The following MYO9B variants were observed in gnomAD, a reference collection of about 807,000 sequenced individuals.
MYO9B encodes the protein unconventional myosin-IXb.
A neutral mutation model predicts 229.5 loss-of-function variants in MYO9B; 71 were observed. The observed-to-expected ratio is 0.31, with a 90% CI of 0.26 to 0.38. The LOEUF (loss-of-function observed/expected upper bound fraction) is 0.38, where lower values mean the gene tolerates loss of function less well. Among genes scored for constraint, MYO9B ranks in the 10% least tolerant of loss-of-function variants. MYO9B has a pLI of 1.00. For missense variants in MYO9B, 2,255 were observed against 2,920.5 expected (o/e 0.77, Z 5.25); for synonymous variants, 1,185 against 1,235.8 (o/e 0.96, Z 0.86).
intron 1 of MYO9B, among the ~76,000 whole-genome samples, chr19:17,084,476 G>A (rs2057563149): frequency 6.6e-6 from 1 of 152,042 alleles, no homozygotes; most frequent in African/African-American, 2.4e-5. Flanking sequence ...GTCCCTCTCT[G>A]TGGTGGGACC....
chr19:17,194,593 GAGA>G lies in MYO9B; in HGVS notation c.3169_3171del (p.Lys1057del), dbSNP rs1249877106. ...GATCTCGGAGAAGCAGAAGGCAGAA[GAGA>G]AGGAGAGGGAAGCCCTGGAAGCCGC... On this transcript the variant is annotated inframe_deletion, in exon 22 of 40. Coordinates refer to ENST00000682292, the MANE Select transcript of MYO9B (RefSeq NM_004145.4). 1.2e-6 allele frequency: 2 copies of G among 1,612,894 alleles called. No individual in the cohort carries two copies. The highest frequency in any genetic ancestry group is 1.7e-6 in the Non-Finnish European group (2 of 1,179,880).
chr19:17,115,294 G>A (rs977237977), intron 2 of MYO9B, among the ~76,000 whole-genome samples: 24 of 151,880 alleles, frequency 1.6e-4, no homozygotes, highest in East Asian at 5.8e-4. Context: ...TGGCATCTTT[G>A]GCACCATGAG....
chr19:17,208,010 C>CAA (rs59894440), intron 35 of MYO9B: 86 of 136,432 alleles, frequency 6.3e-4, no homozygotes, highest in South Asian at 1.1e-3. Context: ...AACTCTATCT[C>CAA]AAAAAAAAAA....
chr19:17,189,502 A>G (rs1453723725), intron 19 of MYO9B, among the ~76,000 whole-genome samples: 1 of 151,798 alleles, frequency 6.6e-6, no homozygotes, highest in Non-Finnish European at 1.5e-5. Context: ...GCGTGCTGGC[A>G]TGCAATGTAC....
intron 3 of MYO9B, among the ~76,000 whole-genome samples, chr19:17,147,286 T>C (rs1319340318): frequency 6.6e-6 from 1 of 152,172 alleles, no homozygotes. Flanking sequence ...CTCACACCTA[T>C]AATCCCAGCA....
At chr19:17,100,853 AGG>A in intron 1 of MYO9B, among the ~76,000 whole-genome samples, 1 of 152,124 alleles carries the variant, frequency 6.6e-6, no homozygotes, top group South Asian at 2.1e-4. Flanking sequence ...TTGGGTTTCA[AGG>A]ACCCTGGAGT....
intron 10 of MYO9B, 161 bp from the exon 11 acceptor site, chr19:17,167,782 T>G: frequency 1.1e-6 from 1 of 920,838 alleles, no homozygotes. Context: ...CCCAGCCCTA[T>G]TAGAGTTAAT....
rs145325168 is a variant in MYO9B at position 17,185,018 on chromosome 19, G to A, written c.2496+31G>A. 6.1e-5 allele frequency: 99 copies of A among 1,613,276 alleles called. 1 individual carries two copies. The East Asian group carries it at 1.9e-3, about 30-fold the overall frequency. On this transcript the variant is annotated intron_variant, in intron 17 of 39. Coordinates refer to ENST00000682292, the MANE Select transcript of MYO9B (RefSeq NM_004145.4). The stretch of plus-strand genomic sequence containing the variant: ...TGGAGCAGGAGAGGCAGAAGGTGGC[G>A]GTCAGCTCAGCCTCAGGCTTGTGTA...
rs371248514 is a variant in MYO9B, at chr19:17,207,244, C to G, written c.5624C>G (p.Thr1875Arg). ...ATGAAGGACGTCCTCAAGATCACCACGTGAGTGCCCACCCTGCCCCGGAGG... is the reference window on the plus strand; with the variant it reads ...ATGAAGGACGTCCTCAAGATCACCAGGTGAGTGCCCACCCTGCCCCGGAGG... ...TSMKDVLKITTCVEMLIKEQM... is the reference protein window; with the variant it reads ...TSMKDVLKITRCVEMLIKEQM... The change falls in exon 35 of 40, where the codon ACG becomes AGG. Residue 1875 changes from threonine (T) to arginine (R), a missense_variant and splice_region_variant. Around this residue, in one of 7 missense-constraint regions of MYO9B, gnomAD observed 416 missense variants for 605.5 expected, o/e 0.69. Transcript: ENST00000682292. 3 of 1,593,684 alleles carry G rather than the reference C, an allele frequency of 1.9e-6. No individual in the cohort carries two copies. The highest frequency in any genetic ancestry group is 2.6e-6 in the Non-Finnish European group (3 of 1,171,424).
intron 8 of MYO9B, among the ~76,000 whole-genome samples, chr19:17,161,186 G>C (rs1039733951): frequency 1.3e-5 from 2 of 152,106 alleles, no homozygotes; most frequent in Non-Finnish European, 2.9e-5. Flanking sequence ...CCTCCTTGCT[G>C]GTTCTACCAC....
intron 35 of MYO9B, among the ~76,000 whole-genome samples, chr19:17,208,759 T>C (rs1316629207): frequency 1.3e-5 from 2 of 152,190 alleles, no homozygotes; most frequent in Admixed American, 6.5e-5. Context: ...CTCTCTCTGC[T>C]ACAAAGCGTC....
chr19:17,131,300 G>A (rs1024797116), intron 2 of MYO9B, among the ~76,000 whole-genome samples: 2 of 152,180 alleles, frequency 1.3e-5, no homozygotes, highest in Non-Finnish European at 2.9e-5. Flanking sequence ...ACGGAGTCTC[G>A]CTCTGTCACC....
chr19:17,180,976 G>T lies in MYO9B; in HGVS notation c.2269G>T (p.Gly757Cys). ...IKSIKGLPWQ[G>C]EDPRSLLQSL... ...GAGCATCAAAGGATTGCCCTGGCAG[G>T]GCGAGGACCCCCGTAGCCTTCTCCA... The change falls in exon 15 of 40, where the codon GGC (glycine) becomes TGC (cysteine). Residue 757 changes from glycine (G) to cysteine (C), a missense_variant. Transcript: ENST00000682292. The T allele has an allele frequency of 6.2e-7, 1 of 1,611,246 alleles. No individual in the cohort carries two copies. The highest frequency in any genetic ancestry group is 8.5e-7 in the Non-Finnish European group (1 of 1,178,904).
At chr19:17,165,158 C>T (rs559400358) in intron 10 of MYO9B, among the ~76,000 whole-genome samples, 4 of 152,102 alleles carry the variant, frequency 2.6e-5, no homozygotes, top group South Asian at 2.1e-4. Flanking sequence ...TACACATTAA[C>T]GTGATCACAT....
intron 15 of MYO9B, 37 bp downstream of exon 15, chr19:17,181,077 C>T: frequency 1.4e-6 from 2 of 1,453,280 alleles, no homozygotes; most frequent in Non-Finnish European, 1.9e-6. Flanking sequence ...ACAAGTGCGA[C>T]AACCGCCTCC....
At chr19:17,166,189 T>G (rs2072657704) in intron 10 of MYO9B, among the ~76,000 whole-genome samples, 1 of 152,096 alleles carries the variant, frequency 6.6e-6, no homozygotes, top group Non-Finnish European at 1.5e-5. Context: ...GTCACAGGTG[T>G]GTGCCACCAG....
chr19:17,183,893 C>T (rs754681623), intron 16 of MYO9B, 25 bp downstream of exon 16: 30 of 1,551,874 alleles, frequency 1.9e-5, no homozygotes, highest in South Asian at 1.9e-4. Flanking sequence ...ACACCCCGCG[C>T]GACACGTTCC....
At chr19:17,141,239 G>A (rs925472643) in intron 2 of MYO9B, among the ~76,000 whole-genome samples, 13 of 152,062 alleles carry the variant, frequency 8.5e-5, no homozygotes, top group African/African-American at 3.1e-4. Context: ...CCGCCTCCCT[G>A]GTGTGCTTGG....
Position 17,167,035 on chromosome 19 carries a change from C to G in MYO9B, c.1672-908C>G, listed in dbSNP as rs112727233. ...GTGTGGGGATCCCTTATCCAAACTG[C>G]TTGGGAGCAGAAGTGTCTCAGGTTT... On this transcript the variant is annotated intron_variant, in intron 10 of 39. Transcript: ENST00000682292. Among the ~76,000 whole-genome samples the G allele has an allele frequency of 3.0e-3, 439 of 146,982 alleles. 4 individuals carry two copies. Among genetic ancestry groups the G allele is most frequent in the Middle Eastern group, 0.024 (7 of 294 alleles).
Sources: allele counts gnomAD v4.1 joint callset (sites outside exome capture counted in the v4.1 genomes callset), GRCh38; gene constraint gnomAD v4.1.1; regional missense constraint gnomAD v4.1.1; transcripts MANE v1.5; gene names NCBI Gene and HGNC (gene_info 2026-07-23, HGNC 2026-07-21).